The following GALNT13 variants were observed in gnomAD, a reference collection of about 807,000 sequenced individuals.
GALNT13 encodes the protein polypeptide N-acetylgalactosaminyltransferase 13, also known as UDP-GalNAc:polypeptide N-acetylgalactosaminyltransferase 13.
Under a neutral mutation model 64.2 loss-of-function variants are expected in GALNT13, and 28 were observed. The observed-to-expected ratio is 0.44, with a 90% CI of 0.32 to 0.60. The LOEUF (loss-of-function observed/expected upper bound fraction) is 0.60, where lower values mean the gene tolerates loss of function less well. GALNT13 is among the 20% of genes least tolerant of loss of function. The pLI, the probability that GALNT13 is intolerant of heterozygous loss-of-function variation, is 0.05. For missense variants in GALNT13, 577 were observed against 669.8 expected, an observed-to-expected ratio of 0.86 and a Z score of 1.53; for synonymous variants, 214 against 224.6, an observed-to-expected ratio of 0.95 and a Z score of 0.42.
the GALNT13 span, among the ~76,000 whole-genome samples, chr2:153,439,750 TG>T: frequency 2.0e-5 from 3 of 152,162 alleles, no homozygotes; most frequent in African/African-American, 7.2e-5. Context: ...GTGAATTCCC[TG>T]ACTTGTTGCG....
At chr2:154,284,520 TACACACAC>T (rs372990123) in intron 8 of GALNT13, among the ~76,000 whole-genome samples, 11 of 145,854 alleles carry the variant, frequency 7.5e-5, no homozygotes, top group African/African-American at 2.3e-4. Context: ...TACATATAGC[TACACACAC>T]ACACACACAC....
intron 3 of GALNT13, among the ~76,000 whole-genome samples, chr2:153,966,051 C>A (rs1693311406): frequency 6.6e-6 from 1 of 151,858 alleles, no homozygotes; most frequent in Non-Finnish European, 1.5e-5. Context: ...ACTTTCATAT[C>A]ATGTTGTATT....
chr2:153,477,375 A>G, the GALNT13 span: 1 of 152,640 alleles, frequency 6.6e-6, no homozygotes, highest in Non-Finnish European at 1.5e-5. Context: ...GAAATGTTAA[A>G]TAAGAAAAAA....
At chr2:153,103,095 C>A in the GALNT13 span, among the ~76,000 whole-genome samples, 1 of 152,220 alleles carries the variant, frequency 6.6e-6, no homozygotes, top group African/African-American at 2.4e-5. Context: ...GGACTGATCT[C>A]CTTAAGGCCT....
the GALNT13 span, among the ~76,000 whole-genome samples, chr2:153,108,178 A>C: frequency 6.6e-6 from 1 of 152,200 alleles, no homozygotes; most frequent in African/African-American, 2.4e-5. Flanking sequence ...GTGCCTGGCT[A>C]AGAGCACACT....
At chr2:153,587,646 C>T in the GALNT13 span, among the ~76,000 whole-genome samples, 1 of 152,164 alleles carries the variant, frequency 6.6e-6, no homozygotes, top group African/African-American at 2.4e-5. Flanking sequence ...CACCAGGTCC[C>T]ACCAACAACA....
At chr2:154,076,879 G>T (rs1346617405) in intron 3 of GALNT13, among the ~76,000 whole-genome samples, 1 of 151,582 alleles carries the variant, frequency 6.6e-6, no homozygotes, top group Non-Finnish European at 1.5e-5. Flanking sequence ...ACCCTCCAAT[G>T]CACACTAAGT....
At chr2:153,266,398 T>C in the GALNT13 span, among the ~76,000 whole-genome samples, 1 of 152,016 alleles carries the variant, frequency 6.6e-6, no homozygotes, top group African/African-American at 2.4e-5. Flanking sequence ...AGTGAAAGGG[T>C]TTTTGTATTA....
At chr2:153,210,099 A>C in the GALNT13 span, among the ~76,000 whole-genome samples, 1 of 152,104 alleles carries the variant, frequency 6.6e-6, no homozygotes, top group Non-Finnish European at 1.5e-5. Context: ...GTGGTTTTCT[A>C]TGTAGATGAT....
In GALNT13 at chr2:153,953,839, G is replaced by A. The variant is rs904153752; in HGVS notation, c.142+9200G>A. 3.3e-5 allele frequency among the ~76,000 whole-genome samples: 5 copies of A among 152,016 alleles called. No homozygotes were observed. The East Asian group carries it at 9.7e-4, about 29-fold the overall frequency. On this transcript the variant is annotated intron_variant, in intron 3 of 12. Transcript: ENST00000392825. Reference sequence around the variant, plus strand: ...CTTTTGTCCCTCAGACCTCCCCAATGCTGCTCTGAATTGGGGGAAATCAAA... The same window carrying A: ...CTTTTGTCCCTCAGACCTCCCCAATACTGCTCTGAATTGGGGGAAATCAAA...
chr2:153,134,164 A>G, the GALNT13 span, among the ~76,000 whole-genome samples: 1 of 152,202 alleles, frequency 6.6e-6, no homozygotes, highest in South Asian at 2.1e-4. Context: ...CAGACTCTCA[A>G]GAAAAGAATC....
the GALNT13 span, among the ~76,000 whole-genome samples, chr2:153,517,011 A>G: frequency 6.6e-6 from 1 of 151,820 alleles, no homozygotes; most frequent in African/African-American, 2.4e-5. Context: ...AGTTCTTAGT[A>G]TGTGTGTCCC....
chr2:154,098,133 A>G (rs547841888), intron 3 of GALNT13, among the ~76,000 whole-genome samples: 1 of 144,956 alleles, frequency 6.9e-6, no homozygotes, highest in East Asian at 2.1e-4. Context: ...TTGAATCTTA[A>G]TGTATCTGGA....
the GALNT13 span, chr2:153,420,909 GC>G: frequency 4.8e-6 from 1 of 208,514 alleles, no homozygotes; most frequent in Non-Finnish European, 1.1e-5. Context: ...CTTTATGTTG[GC>G]CAGATTTCCA....
chr2:153,913,581 C>T (rs746567264), intron 2 of GALNT13, among the ~76,000 whole-genome samples: 5 of 152,156 alleles, frequency 3.3e-5, no homozygotes, highest in Non-Finnish European at 7.4e-5. Flanking sequence ...TAACACTTTT[C>T]TAAGTTACTC....
chr2:154,026,205 C>T (rs1004791873), intron 3 of GALNT13, among the ~76,000 whole-genome samples: 4 of 152,098 alleles, frequency 2.6e-5, no homozygotes, highest in Non-Finnish European at 5.9e-5. Context: ...TATTACACTA[C>T]TAGAGGAGAG....
At chr2:153,127,331 A>G in the GALNT13 span, among the ~76,000 whole-genome samples, 2 of 152,156 alleles carry the variant, frequency 1.3e-5, no homozygotes, top group African/African-American at 4.8e-5. Context: ...TTTTTTTTAA[A>G]TCAAATGTTT....
the GALNT13 span, among the ~76,000 whole-genome samples, chr2:153,279,752 T>G: frequency 4.6e-5 from 7 of 152,184 alleles, no homozygotes; most frequent in Non-Finnish European, 1.5e-5. Flanking sequence ...GCTACTGGAT[T>G]CAGTTTGCTA....
At chr2:153,777,909 C>T in the GALNT13 span, among the ~76,000 whole-genome samples, 1 of 152,136 alleles carries the variant, frequency 6.6e-6, no homozygotes, top group Non-Finnish European at 1.5e-5. Context: ...CGGGTTCTTG[C>T]CTTGGTGTAC....
Sources: gnomAD v4.1 joint callset for allele counts (sites outside exome capture counted in the v4.1 genomes callset) on GRCh38, gnomAD v4.1.1 for gene constraint, MANE v1.5 for transcripts, NCBI Gene and HGNC (gene_info 2026-07-23, HGNC 2026-07-21) for gene names.